ZNF281: variants seen among roughly 807,000 people sequenced by gnomAD.
The protein encoded by ZNF281 is zinc finger protein 281.
ZNF281 carries 2 observed loss-of-function variants against 58.8 expected under a neutral mutation model. That is an observed-to-expected ratio of 0.03 (90% confidence interval 0.01 to 0.11). The LOEUF (loss-of-function observed/expected upper bound fraction) is 0.11. ZNF281 is among the 10% of genes least tolerant of loss of function. ZNF281 has a pLI of 1.00. For missense variants in ZNF281, 975 were observed against 1,090.7 expected (o/e 0.89, Z 1.49); for synonymous variants, 465 against 407.7 (o/e 1.14, Z -1.69).
chr1:200,409,514 G>A lies in ZNF281; in HGVS notation c.192C>T (p.Thr64=). The A allele has an allele frequency of 1.9e-6, 3 of 1,549,712 alleles. No individual in the cohort carries two copies. Among genetic ancestry groups the A allele is most frequent in the South Asian group, 2.4e-5 (2 of 84,032 alleles). ...GAGGGGCGGCCGACCCCGCCGGCCG[G>A]GTGAAGCTGGTGACCGGGGGAAGAC... is the stretch of plus-strand genomic sequence containing the variant. ...NHRLPPVTSF[T]RPAGSAAPPP... Residue 64 remains threonine (T), a synonymous_variant, in exon 2 of 2, where the codon ACC becomes ACT. Coordinates refer to ENST00000367353, the MANE Select transcript of ZNF281 (RefSeq NM_001281293.2).
chr1:200,409,274 A>ATGGTGG lies in ZNF281; in HGVS notation c.426_431dup (p.His147_His148dup), dbSNP rs763401281. 9 of 1,613,020 alleles carry ATGGTGG rather than the reference A, an allele frequency of 5.6e-6. No homozygotes were observed. The South Asian group carries it at 9.9e-5, about 18-fold the overall frequency. On this transcript the variant is annotated inframe_insertion, in exon 2 of 2. Transcript: ENST00000367353. ...ACAGCCCCCCATAGTGGTGGTGGTGATGGTGGTGGTGGGACTGCTGCTCCT... is the reference window on the plus strand; with the variant it reads ...ACAGCCCCCCATAGTGGTGGTGGTGATGGTGGTGGTGGTGGTGGGACTGCTGCTCCT...
rs1333237534 is a variant in ZNF281, at chr1:200,406,070, G to A, written c.*948C>T. On this transcript the variant is annotated 3_prime_UTR_variant, in exon 2 of 2. Coordinates refer to ENST00000367353, the MANE Select transcript of ZNF281 (RefSeq NM_001281293.2). ...AACAAGAACAAAAAAACCCAGAAGT[G>A]TAGGTAATACGTAACAGCGCAGACA... 6.6e-6 allele frequency: 1 copy of A among 152,214 alleles called. No individual in the cohort carries two copies. Among genetic ancestry groups the A allele is most frequent in the African/African-American group, 2.4e-5 (1 of 41,454 alleles). 9.4% of individuals were successfully genotyped at this position (152,214 alleles called of 1,614,324 possible). A position where few individuals can be genotyped will look rare whatever the true frequency, so the allele number is the denominator to read the frequency against.
In ZNF281 at chr1:200,409,963, C is replaced by T. The variant is rs1040734996; in HGVS notation, c.-36G>A. 6.7e-5 allele frequency: 40 copies of T among 600,560 alleles called. No homozygotes were observed. Among genetic ancestry groups the T allele is most frequent in the Non-Finnish European group, 1.1e-4 (39 of 343,456 alleles). 37.2% of individuals were successfully genotyped at this position (600,560 alleles called of 1,614,324 possible). A position where few individuals can be genotyped will look rare whatever the true frequency, so the allele number is the denominator to read the frequency against. On this transcript the variant is annotated 5_prime_UTR_variant, in exon 1 of 2. Coordinates refer to ENST00000367353, the MANE Select transcript of ZNF281 (RefSeq NM_001281293.2). ...ATACTTACGGGTCCCGCCGCCGCCG[C>T]AGCCGCCGTCGCCTCCAGTTAATAA... is the stretch of plus-strand genomic sequence containing the variant.
At position 200,408,143 on chromosome 1, in the gene ZNF281, A is replaced by G; in HGVS notation, c.1563T>C (p.Ser521=). The stretch of plus-strand genomic sequence containing the variant: ...TACTACTTATCTGACCTTGTTTGCC[A>G]CTTGTACTTTGGAGAAGACCAATGG... ...VETIGLLQST[S]GKQGQISSNY... Residue 521 remains serine (S), a synonymous_variant, in exon 2 of 2, where the codon AGT becomes AGC. Transcript: ENST00000367353. 6.2e-7 allele frequency: 1 copy of G among 1,614,128 alleles called. No homozygotes were observed. Among genetic ancestry groups the G allele is most frequent in the Non-Finnish European group, 8.5e-7 (1 of 1,180,032 alleles).
In ZNF281 at chr1:200,409,350, C is replaced by G; in HGVS notation, c.356G>C (p.Gly119Ala). The G allele has an allele frequency of 1.3e-6, 2 of 1,553,792 alleles. No individual in the cohort carries two copies. The highest frequency in any genetic ancestry group is 2.3e-5 in the South Asian group (2 of 85,326). ...GATGCTAACCAAAGACTGCAAGAAC[C>G]CCCAGGAGGTCCTCTGCGAGGGGAA... Reference protein sequence around the residue: ...AAFPSQRTSWGFLQSLVSIKQ... With the variant: ...AAFPSQRTSWAFLQSLVSIKQ... The change falls in exon 2 of 2, where the codon GGG becomes GCG. Residue 119 changes from glycine to alanine, a missense_variant. By Grantham distance (60) the Gly-to-Ala change is moderately conservative. Coordinates refer to ENST00000367353, the MANE Select transcript of ZNF281 (RefSeq NM_001281293.2).
Position 200,406,757 on chromosome 1 carries a change from G to A in ZNF281, c.*261C>T. On this transcript the variant is annotated 3_prime_UTR_variant, in exon 2 of 2. Transcript: ENST00000367353. ...GTTTAAAACATTTGGGCTATTCCCT[G>A]ACGATCTATACATGTAAATTTGATT... The A allele has an allele frequency of 3.6e-6, 1 of 278,610 alleles. No homozygotes were observed. Among genetic ancestry groups the A allele is most frequent in the Non-Finnish European group, 6.5e-6 (1 of 154,680 alleles). 17.3% of individuals were successfully genotyped at this position (278,610 alleles called of 1,614,324 possible).
In ZNF281 at chr1:200,409,375, A is replaced by C; in HGVS notation, c.331T>G (p.Phe111Val). 6.5e-7 allele frequency: 1 copy of C among 1,528,236 alleles called. No homozygotes were observed. Among genetic ancestry groups the C allele is most frequent in the Non-Finnish European group, 8.8e-7 (1 of 1,136,776 alleles). The allele number at this position is 1,528,236 out of a possible 1,614,324, so 94.7% of individuals were successfully genotyped here. The change falls in exon 2 of 2, where the codon TTC becomes GTC. Residue 111 changes from phenylalanine (F) to valine (V), a missense_variant. This residue lies in a region of ZNF281 where 370 missense variants were observed against 360.9 expected (regional missense o/e 1.03). Transcript: ENST00000367353. ...KKEPAASAAA[F>V]PSQRTSWGFL... The stretch of plus-strand genomic sequence containing the variant: ...CCCCAGGAGGTCCTCTGCGAGGGGA[A>C]GGCCGCGGCTGACGCCGCCGGCTCC...
At position 200,407,377 on chromosome 1, in the gene ZNF281, T is replaced by A. The variant is rs1282175707; in HGVS notation, c.2329A>T (p.Thr777Ser). Reference protein sequence around the residue: ...DLIDSQKNLETSSAFQSSSQK... With the variant: ...DLIDSQKNLESSSAFQSSSQK... The stretch of plus-strand genomic sequence containing the variant: ...GATGAGGACTGGAAGGCTGATGAAG[T>A]CTCTAAGTTCTTCTGAGAATCTATC... Residue 777 changes from threonine to serine, a missense_variant, in exon 2 of 2, where the codon ACT becomes TCT. Thr to Ser is a moderately conservative substitution (Grantham distance 58). Around this residue, in one of 3 missense-constraint regions of ZNF281, gnomAD observed 579 missense variants for 608.9 expected, o/e 0.95. Coordinates refer to ENST00000367353, the MANE Select transcript of ZNF281 (RefSeq NM_001281293.2). 1 of 1,614,000 alleles carries A rather than the reference T, an allele frequency of 6.2e-7. No individual in the cohort carries two copies. Among genetic ancestry groups the A allele is most frequent in the African/African-American group, 1.3e-5 (1 of 74,908 alleles).
Position 200,407,419 on chromosome 1 carries a change from G to C in ZNF281, c.2287C>G (p.Gln763Glu), listed in dbSNP as rs199743962. Reference protein sequence around the residue: ...DATHQQLTPSQELDDLIDSQK... With the variant: ...DATHQQLTPSEELDDLIDSQK... ...GAATCTATCAGATCATCCAGCTCCT[G>C]GGAAGGTGTCAACTGCTGATGTGTA... The change falls in exon 2 of 2, where the codon CAG becomes GAG. Residue 763 changes from glutamine (Q) to glutamate (E), a missense_variant. Around this residue, in one of 3 missense-constraint regions of ZNF281, gnomAD observed 579 missense variants for 608.9 expected, o/e 0.95. Coordinates refer to ENST00000367353, the MANE Select transcript of ZNF281 (RefSeq NM_001281293.2). The C allele has an allele frequency of 3.7e-6, 6 of 1,614,158 alleles. No individual in the cohort carries two copies. In the East Asian group the frequency reaches 1.1e-4, roughly 30 times the overall value.
rs1218144587 is a variant in ZNF281 at position 200,408,482 on chromosome 1, T to C, written c.1224A>G (p.Ser408=). The C allele has an allele frequency of 3.0e-5, 49 of 1,614,126 alleles. No homozygotes were observed. Among genetic ancestry groups the C allele is most frequent in the Non-Finnish European group, 4.0e-5 (47 of 1,180,056 alleles). ...CCTTATTTTCAATAGCTATGCTTTT[T>C]GACTTTGTTTTTCTCCTTGAAGAAC... ...NTSSSRRKTK[S]KSIAIENKEQ... is the part of the protein sequence containing the mutation. The change falls in exon 2 of 2, where the codon TCA becomes TCG. Residue 408 remains serine (S), a synonymous_variant. Transcript: ENST00000367353.
rs1654580473 is a variant in ZNF281, at chr1:200,410,033, T to G, written c.-106A>C. 3 of 425,328 alleles carry G rather than the reference T, an allele frequency of 7.1e-6. No homozygotes were observed. Among genetic ancestry groups the G allele is most frequent in the African/African-American group, 4.2e-5 (2 of 47,404 alleles). The allele number at this position is 425,328 out of a possible 1,614,324, so 26.3% of individuals were successfully genotyped here. Reference sequence around the variant, plus strand: ...ACAATGGAATTAAAAGCCTCCCGTGTACTGCGCAGCCGCGGCGCAGTGTCT... The same window carrying G: ...ACAATGGAATTAAAAGCCTCCCGTGGACTGCGCAGCCGCGGCGCAGTGTCT... On this transcript the variant is annotated 5_prime_UTR_variant, in exon 1 of 2. Transcript: ENST00000367353.
chr1:200,407,575 A>G lies in ZNF281; in HGVS notation c.2131T>C (p.Tyr711His), dbSNP rs368697081. 4.3e-6 allele frequency: 7 copies of G among 1,614,128 alleles called. No individual in the cohort carries two copies. The highest frequency in any genetic ancestry group is 5.1e-6 in the Non-Finnish European group (6 of 1,180,046). Reference protein sequence around the residue: ...NHTLFPEKQIYTTSPLECGFG... With the variant: ...NHTLFPEKQIHTTSPLECGFG... ...CCACACTCCAAAGGAGACGTAGTGT[A>G]TATTTGTTTTTCTGGAAACAAAGTG... The change falls in exon 2 of 2, where the codon TAC (tyrosine) becomes CAC (histidine). Residue 711 changes from tyrosine (Y) to histidine (H), a missense_variant. By Grantham distance (83) the Tyr-to-His change is moderately conservative (BLOSUM62 2). Coordinates refer to ENST00000367353, the MANE Select transcript of ZNF281 (RefSeq NM_001281293.2).
In ZNF281 at chr1:200,408,167, G is replaced by T. The variant is rs1201162230; in HGVS notation, c.1539C>A (p.Thr513=). The T allele has an allele frequency of 6.2e-7, 1 of 1,613,942 alleles. No individual in the cohort carries two copies. Among genetic ancestry groups the T allele is most frequent in the Admixed American group, 1.7e-5 (1 of 60,016 alleles). The part of the protein sequence containing the change: ...LGIVSNNSVE[T]IGLLQSTSGK... ...CACTTGTACTTTGGAGAAGACCAAT[G>T]GTCTCCACACTATTATTTGATACTA... Residue 513 remains threonine (T), a synonymous_variant, in exon 2 of 2, where the codon ACC becomes ACA. Transcript: ENST00000367353.
rs1239063484 is a variant in ZNF281, at chr1:200,407,349, T to C, written c.2357A>G (p.Gln786Arg). The stretch of plus-strand genomic sequence containing the variant: ...CTGTTCCTTCTGGCTAGTCAATTTC[T>C]GAGATGAGGACTGGAAGGCTGATGA... The part of the protein sequence containing the change: ...ETSSAFQSSS[Q>R]KLTSQKEQKN... The change falls in exon 2 of 2, where the codon CAG becomes CGG. Residue 786 changes from glutamine (Q) to arginine (R), a missense_variant. Coordinates refer to ENST00000367353, the MANE Select transcript of ZNF281 (RefSeq NM_001281293.2). The C allele has an allele frequency of 6.2e-7, 1 of 1,613,996 alleles. No homozygotes were observed. The highest frequency in any genetic ancestry group is 1.1e-5 in the South Asian group (1 of 91,090).
At position 200,406,952 on chromosome 1, in the gene ZNF281, T is replaced by C. The variant is rs1041623941; in HGVS notation, c.*66A>G. On this transcript the variant is annotated 3_prime_UTR_variant, in exon 2 of 2. Transcript: ENST00000367353. ...ATAGGATCGTGTAGAAACATTCCAATGGCAGTGTTCTCAAAATAAAACAAA... is the reference window on the plus strand; with the variant it reads ...ATAGGATCGTGTAGAAACATTCCAACGGCAGTGTTCTCAAAATAAAACAAA... The C allele has an allele frequency of 1.4e-6, 2 of 1,455,642 alleles. No individual in the cohort carries two copies. The highest frequency in any genetic ancestry group is 4.6e-5 in the East Asian group (2 of 43,902). The allele number at this position is 1,455,642 out of a possible 1,614,324, so 90.2% of individuals were successfully genotyped here. A position where few individuals can be genotyped will look rare whatever the true frequency, so the allele number is the denominator to read the frequency against.
chr1:200,406,824 A>T lies in ZNF281; in HGVS notation c.*194T>A. On this transcript the variant is annotated 3_prime_UTR_variant, in exon 2 of 2. Transcript: ENST00000367353. Reference sequence around the variant, plus strand: ...TTGAATGTCAAACTATTTTTAATCTATTGATTTTGATTAAAAATCATAATA... The same window carrying T: ...TTGAATGTCAAACTATTTTTAATCTTTTGATTTTGATTAAAAATCATAATA... 2.0e-6 allele frequency: 1 copy of T among 499,356 alleles called. No homozygotes were observed. Among genetic ancestry groups the T allele is most frequent in the Non-Finnish European group, 3.4e-6 (1 of 295,404 alleles). 30.9% of individuals were successfully genotyped at this position (499,356 alleles called of 1,614,324 possible).
rs953778017 is a variant in ZNF281, at chr1:200,408,797, T to C, written c.909A>G (p.Leu303=). 7 of 1,614,062 alleles carry C rather than the reference T, an allele frequency of 4.3e-6. No homozygotes were observed. In the African/African-American group the frequency reaches 5.3e-5, roughly 12 times the overall value. ...TATGAATTTTCTCATGTCTCTGTAGTAGGTATTTCTGAATGAAACCCATAC... is the reference window on the plus strand; with the variant it reads ...TATGAATTTTCTCATGTCTCTGTAGCAGGTATTTCTGAATGAAACCCATAC... The part of the protein sequence containing the change: ...QCSMGFIQKY[L]LQRHEKIHSR... Residue 303 remains leucine, a synonymous_variant, in exon 2 of 2, where the codon CTA becomes CTG. Coordinates refer to ENST00000367353, the MANE Select transcript of ZNF281 (RefSeq NM_001281293.2).
chr1:200,409,781 G>A, intron 1 of ZNF281, 58 bp from the exon 2 acceptor site: 5 of 1,512,742 alleles, frequency 3.3e-6, no homozygotes, highest in Admixed American at 4.1e-5. Flanking sequence ...CCGGGCCCCG[G>A]GCCGGGACCA....
Position 200,409,189 on chromosome 1 carries a change from C to T in ZNF281, c.517G>A (p.Val173Ile), listed in dbSNP as rs902768085. ...TGGAGAATACTGAGGTCCTGGATGACGCCGTGACTCCCCCCTTCACCGCCT... is the reference window on the plus strand; with the variant it reads ...TGGAGAATACTGAGGTCCTGGATGATGCCGTGACTCCCCCCTTCACCGCCT... ...LGGGEGGSHGVIQDLSILHQH... is the reference protein window; with the variant it reads ...LGGGEGGSHGIIQDLSILHQH... Residue 173 changes from valine to isoleucine, a missense_variant, in exon 2 of 2, where the codon GTC (valine) becomes ATC (isoleucine). This residue lies in a region of ZNF281 where 370 missense variants were observed against 360.9 expected (regional missense o/e 1.03). Coordinates refer to ENST00000367353, the MANE Select transcript of ZNF281 (RefSeq NM_001281293.2). 2 of 1,614,048 alleles carry T rather than the reference C, an allele frequency of 1.2e-6. No homozygotes were observed. Among genetic ancestry groups the T allele is most frequent in the East Asian group, 2.2e-5 (1 of 44,870 alleles).
Sources: allele counts gnomAD v4.1 joint callset, GRCh38; gene constraint gnomAD v4.1.1; regional missense constraint gnomAD v4.1.1; transcripts MANE v1.5; gene names NCBI Gene and HGNC (gene_info 2026-07-23, HGNC 2026-07-21).